PRKN: variants seen among roughly 807,000 people sequenced by gnomAD.
PRKN encodes the protein parkin RBR E3 ubiquitin protein ligase, also known as E3 ubiquitin-protein ligase parkin.
In PRKN, 56 loss-of-function variants were observed where a neutral mutation model predicts 59.5. The ratio of observed to expected loss-of-function variants is 0.94; its 90% CI spans 0.76 to 1.18. The LOEUF (loss-of-function observed/expected upper bound fraction) is 1.18, where lower values mean the gene tolerates loss of function less well. Ranked by LOEUF, PRKN falls within the 50% of genes most tolerant of loss-of-function variation. The pLI is 0.00. For synonymous variants in PRKN, 250 were observed against 222.1 expected (o/e 1.13, Z -1.12); for missense variants, 657 against 596.4 (o/e 1.10, Z -1.06).
At chr6:162,389,287 G>A (rs1456876320) in intron 2 of PRKN, among the ~76,000 whole-genome samples, 1 of 152,122 alleles carries the variant, frequency 6.6e-6, no homozygotes, top group Non-Finnish European at 1.5e-5. Flanking sequence ...CCACCAAGAA[G>A]AGCTGGGGCA....
intron 4 of PRKN, among the ~76,000 whole-genome samples, chr6:162,192,680 AG>A (rs1291925581): frequency 6.6e-6 from 1 of 151,834 alleles, no homozygotes; most frequent in Admixed American, 6.6e-5. Flanking sequence ...CACTCCTTAT[AG>A]TATACATACA....
intron 1 of PRKN, among the ~76,000 whole-genome samples, chr6:162,658,592 C>T (rs1348445650): frequency 1.4e-5 from 2 of 138,318 alleles, no homozygotes; most frequent in Admixed American, 8.1e-5. Context: ...ACCCGGGAGG[C>T]GGAGGTTGCA....
At chr6:161,426,956 T>C (rs1348891714) in intron 9 of PRKN, among the ~76,000 whole-genome samples, 1 of 152,104 alleles carries the variant, frequency 6.6e-6, no homozygotes, top group Admixed American at 6.5e-5. Flanking sequence ...CCTGACCTTG[T>C]GATCTGCCCA....
chr6:161,676,948 A>T (rs1191488669), intron 7 of PRKN, among the ~76,000 whole-genome samples: 1 of 152,202 alleles, frequency 6.6e-6, no homozygotes, highest in African/African-American at 2.4e-5. Flanking sequence ...ATGCTAGAGT[A>T]ATCTGCGGTC....
chr6:162,153,607 A>C (rs1217142865), intron 4 of PRKN, among the ~76,000 whole-genome samples: 1 of 152,174 alleles, frequency 6.6e-6, no homozygotes, highest in Non-Finnish European at 1.5e-5. Flanking sequence ...CTGGAAGAAT[A>C]AGGTTACCTA....
chr6:161,703,233 G>A (rs963092751), intron 7 of PRKN, among the ~76,000 whole-genome samples: 1 of 152,126 alleles, frequency 6.6e-6, no homozygotes, highest in African/African-American at 2.4e-5. Flanking sequence ...GAGCCTAGGA[G>A]TTTGAGGCTA....
At chr6:162,406,403 C>A (rs1330096120) in intron 2 of PRKN, among the ~76,000 whole-genome samples, 1 of 152,128 alleles carries the variant, frequency 6.6e-6, no homozygotes, top group Non-Finnish European at 1.5e-5. Context: ...GAACTTTATT[C>A]CAGAAAAACA....
At chr6:161,420,924 A>C (rs1341316686) in intron 9 of PRKN, among the ~76,000 whole-genome samples, 1 of 152,176 alleles carries the variant, frequency 6.6e-6, no homozygotes, top group African/African-American at 2.4e-5. Context: ...ATCATGTGCT[A>C]CAATATTTGT....
At chr6:162,412,022 A>ATTTT in intron 2 of PRKN, among the ~76,000 whole-genome samples, 1 of 149,320 alleles carries the variant, frequency 6.7e-6, no homozygotes, top group South Asian at 2.1e-4. Context: ...GCTGAGAGGC[A>ATTTT]TTTTTTTTTT....
intron 1 of PRKN, among the ~76,000 whole-genome samples, chr6:162,712,171 T>A (rs1778561773): frequency 6.6e-6 from 1 of 152,208 alleles, no homozygotes; most frequent in Non-Finnish European, 1.5e-5. Context: ...TGGGGATGGA[T>A]AGAGACAGTT....
intron 1 of PRKN, among the ~76,000 whole-genome samples, chr6:162,571,906 C>A (rs1165070273): frequency 6.6e-6 from 1 of 152,134 alleles, no homozygotes; most frequent in Non-Finnish European, 1.5e-5. Context: ...GTCATGTTAT[C>A]TGAGACCAAT....
chr6:161,600,372 C>T (rs1782063913), intron 7 of PRKN, among the ~76,000 whole-genome samples: 1 of 152,182 alleles, frequency 6.6e-6, no homozygotes, highest in Admixed American at 6.5e-5. Context: ...CAAATCCATG[C>T]TTGCCTGGGA....
chr6:161,414,024 C>T lies in PRKN; in HGVS notation c.1084-27147G>A, dbSNP rs752761233. Among the ~76,000 whole-genome samples the T allele has an allele frequency of 2.0e-5, 3 of 152,020 alleles. No individual in the cohort carries two copies. Among genetic ancestry groups the T allele is most frequent in the Admixed American group, 6.6e-5 (1 of 15,252 alleles). On this transcript the variant is annotated intron_variant, in intron 9 of 11. Coordinates refer to ENST00000366898, the MANE Select transcript of PRKN (RefSeq NM_004562.3). The surrounding 1 kb of genome is among the most constrained non-coding windows in gnomAD (Gnocchi z 5.3). Reference sequence around the variant, plus strand: ...GAAGCAGCCAGGCAGAGCGGTGGGACGTGAAACTCCTCGACAGCACTGTGT... The same window carrying T: ...GAAGCAGCCAGGCAGAGCGGTGGGATGTGAAACTCCTCGACAGCACTGTGT...
Position 161,670,456 on chromosome 6 carries a change from G to A in PRKN, c.872-101040C>T, listed in dbSNP as rs116509410. On this transcript the variant is annotated intron_variant, in intron 7 of 11. Transcript: ENST00000366898. ...CCTTGGTGTGTGGACTCATCATTCCGATCTCTGCCTCTGTATGCATGTGAG... is the reference window on the plus strand; with the variant it reads ...CCTTGGTGTGTGGACTCATCATTCCAATCTCTGCCTCTGTATGCATGTGAG... 8.0e-3 allele frequency among the ~76,000 whole-genome samples: 1,219 copies of A among 152,182 alleles called. 28 individuals carry two copies. Among genetic ancestry groups the A allele is most frequent in the African/African-American group, 0.028 (1,154 of 41,516 alleles).
chr6:162,494,942 C>T (rs1792989570), intron 1 of PRKN, among the ~76,000 whole-genome samples: 1 of 152,206 alleles, frequency 6.6e-6, no homozygotes, highest in African/African-American at 2.4e-5. Flanking sequence ...CTTAACCTCT[C>T]CCTCCAAGGA....
At chr6:162,103,467 A>G (rs1195404996) in intron 4 of PRKN, among the ~76,000 whole-genome samples, 1 of 152,204 alleles carries the variant, frequency 6.6e-6, no homozygotes, top group Non-Finnish European at 1.5e-5. Flanking sequence ...CAATGACTTA[A>G]TAATAGTCCA....
chr6:162,139,878 G>A (rs1397930556), intron 4 of PRKN, among the ~76,000 whole-genome samples: 2 of 140,810 alleles, frequency 1.4e-5, no homozygotes, highest in Non-Finnish European at 1.5e-5. Context: ...CTGACAGAGC[G>A]AGACTCCATC....
chr6:162,119,547 G>A (rs990304062), intron 4 of PRKN, among the ~76,000 whole-genome samples: 3 of 152,174 alleles, frequency 2.0e-5, no homozygotes, highest in African/African-American at 7.2e-5. Context: ...CCTTATTCCT[G>A]TCTGCTTGCG....
chr6:162,091,340 TAC>T lies in PRKN; in HGVS notation c.535-37168_535-37167del, dbSNP rs527809615. 6.6e-5 allele frequency among the ~76,000 whole-genome samples: 10 copies of T among 152,286 alleles called. No individual in the cohort carries two copies. In the East Asian group the frequency reaches 1.9e-3, roughly 29 times the overall value. On this transcript the variant is annotated intron_variant, in intron 4 of 11. Coordinates refer to ENST00000366898, the MANE Select transcript of PRKN (RefSeq NM_004562.3). ...GAAAAATGGAAGAAGATGGAATAAA[TAC>T]AGTTTACTAATAGAGCTTATACTTC... is the stretch of plus-strand genomic sequence containing the variant.
Sources: gnomAD v4.1 joint callset for allele counts (sites outside exome capture counted in the v4.1 genomes callset) on GRCh38, gnomAD v4.1.1 for gene constraint, Gnocchi (gnomAD v3.1) non-coding constraint, MANE v1.5 for transcripts, NCBI Gene and HGNC (gene_info 2026-07-23, HGNC 2026-07-21) for gene names.